RALYL: variants seen among roughly 807,000 people sequenced by gnomAD.
RALYL encodes RNA-binding Raly-like protein.
Under a neutral mutation model 35.1 loss-of-function variants are expected in RALYL, and 29 were observed. That is an observed-to-expected ratio of 0.83 (90% CI 0.61 to 1.13). The LOEUF (loss-of-function observed/expected upper bound fraction) is 1.13. Among genes scored for constraint, RALYL ranks in the 50% most tolerant of loss-of-function variants. The probability of loss-of-function intolerance (pLI) is 0.00; values close to 1 mark genes in which losing one functional copy is unlikely to be tolerated. For synonymous variants in RALYL, 120 were observed against 127.6 expected, an observed-to-expected ratio of 0.94 and a Z score of 0.40; for missense variants, 359 against 360.4, an observed-to-expected ratio of 1.00 and a Z score of 0.03.
At chr8:84,513,271 A>G (rs563418533) in intron 1 of RALYL, among the ~76,000 whole-genome samples, 39 of 152,214 alleles carry the variant, frequency 2.6e-4, no homozygotes, top group African/African-American at 8.7e-4. Context: ...TTTTGTAGCT[A>G]TTATAAATAA....
At chr8:84,213,870 C>T (rs1586230129) in intron 1 of RALYL, among the ~76,000 whole-genome samples, 1 of 152,120 alleles carries the variant, frequency 6.6e-6, no homozygotes, top group African/African-American at 2.4e-5. Flanking sequence ...TGTGAATTCC[C>T]TCAATGTGCC....
At chr8:84,332,073 C>T (rs1409310782) in intron 1 of RALYL, among the ~76,000 whole-genome samples, 1 of 152,072 alleles carries the variant, frequency 6.6e-6, no homozygotes, top group Non-Finnish European at 1.5e-5. Context: ...TTTTTCTCTG[C>T]CTTTCACATC....
intron 1 of RALYL, among the ~76,000 whole-genome samples, chr8:84,352,143 T>C (rs1005239501): frequency 8.6e-5 from 13 of 150,418 alleles, no homozygotes; most frequent in Non-Finnish European, 1.5e-5. Flanking sequence ...ATTCTTACTT[T>C]GTGGGGATAT....
At chr8:84,832,879 A>G (rs1242380859) in intron 4 of RALYL, among the ~76,000 whole-genome samples, 3 of 152,114 alleles carry the variant, frequency 2.0e-5, no homozygotes, top group Admixed American at 6.5e-5. Flanking sequence ...TTCTTTTTTA[A>G]AACATACTAG....
At chr8:84,380,709 G>A (rs185954047) in intron 1 of RALYL, among the ~76,000 whole-genome samples, 1 of 151,988 alleles carries the variant, frequency 6.6e-6, no homozygotes, top group East Asian at 1.9e-4. Context: ...CTTAAAATAG[G>A]CCAGCATCAG....
At chr8:84,390,171 C>T (rs1050946731) in intron 1 of RALYL, among the ~76,000 whole-genome samples, 2 of 152,146 alleles carry the variant, frequency 1.3e-5, no homozygotes, top group African/African-American at 4.8e-5. Flanking sequence ...TTGAACCAGC[C>T]TTGCATCCCT....
chr8:84,685,578 G>T (rs1419092597), intron 2 of RALYL, among the ~76,000 whole-genome samples: 1 of 152,148 alleles, frequency 6.6e-6, no homozygotes, highest in Non-Finnish European at 1.5e-5. Flanking sequence ...CTGAATCACA[G>T]AAGTTACTAA....
intron 4 of RALYL, among the ~76,000 whole-genome samples, chr8:84,833,992 C>T (rs575990077): frequency 6.6e-6 from 1 of 152,030 alleles, no homozygotes; most frequent in East Asian, 1.9e-4. Context: ...TTTTTAAAAG[C>T]TAGTCTCCAC....
chr8:84,748,188 T>C (rs977771115), intron 2 of RALYL, among the ~76,000 whole-genome samples: 52 of 152,006 alleles, frequency 3.4e-4, no homozygotes, highest in African/African-American at 1.2e-3. Flanking sequence ...TTTTCTCTTT[T>C]GACTCTTGGC....
At chr8:84,728,044 G>C (rs1331516369) in intron 2 of RALYL, among the ~76,000 whole-genome samples, 4 of 151,544 alleles carry the variant, frequency 2.6e-5, no homozygotes, top group African/African-American at 9.7e-5. Context: ...CTGAGGAATC[G>C]CCACACTGAC....
chr8:84,192,517 T>A (rs949666430), intron 1 of RALYL, among the ~76,000 whole-genome samples: 1 of 152,076 alleles, frequency 6.6e-6, no homozygotes, highest in African/African-American at 2.4e-5. Flanking sequence ...CTGAATTATT[T>A]GGGATAAATG....
chr8:84,854,474 T>C (rs1836560099), intron 5 of RALYL, among the ~76,000 whole-genome samples: 1 of 152,232 alleles, frequency 6.6e-6, no homozygotes. Flanking sequence ...TCTTCCATTA[T>C]AGCTGATTTG....
intron 1 of RALYL, among the ~76,000 whole-genome samples, chr8:84,481,763 TA>T (rs1174266365): frequency 6.6e-6 from 1 of 152,082 alleles, no homozygotes; most frequent in African/African-American, 2.4e-5. Flanking sequence ...TCTAAAACAG[TA>T]AAACTAATAT....
At chr8:84,913,037 T>C (rs1488001040) in intron 8 of RALYL, among the ~76,000 whole-genome samples, 1 of 114,386 alleles carries the variant, frequency 8.7e-6, no homozygotes, top group East Asian at 2.8e-4. Context: ...GATGGATAGG[T>C]AGGTAGATAG....
intron 1 of RALYL, among the ~76,000 whole-genome samples, chr8:84,516,058 T>G: frequency 1.7e-4 from 25 of 144,344 alleles, no homozygotes; most frequent in African/African-American, 3.1e-4. Flanking sequence ...GTGGGAGAGG[T>G]GGGTGGGGAT....
At chr8:84,331,244 G>C (rs1447202970) in intron 1 of RALYL, among the ~76,000 whole-genome samples, 1 of 151,952 alleles carries the variant, frequency 6.6e-6, no homozygotes, top group Non-Finnish European at 1.5e-5. Context: ...ATTGATCTTT[G>C]CACTTTTAGA....
chr8:84,485,790 T>C (rs749666769), intron 1 of RALYL, among the ~76,000 whole-genome samples: 18 of 152,132 alleles, frequency 1.2e-4, no homozygotes, highest in Non-Finnish European at 2.4e-4. Flanking sequence ...ATGAAGCCTC[T>C]TCTCACGACA....
chr8:84,804,676 C>A (rs1005966780), intron 3 of RALYL, 94 bp from the exon 4 acceptor site: 1 of 538,310 alleles, frequency 1.9e-6, no homozygotes, highest in Non-Finnish European at 2.8e-6. Flanking sequence ...TTCATCCAAA[C>A]AAGTATAATA....
In RALYL at chr8:84,267,242, T is replaced by G. The variant is rs560617338; in HGVS notation, c.-24+82818T>G. Among the ~76,000 whole-genome samples the G allele has an allele frequency of 1.6e-4, 24 of 152,264 alleles. 1 individual carries two copies. The highest frequency in any genetic ancestry group is 5.8e-4 in the African/African-American group (24 of 41,558). ...TCATAGTGATCTATGAGTTTTAGGA[T>G]GCCTTTATTTTCCTGAGAATCCCTC... On this transcript the variant is annotated intron_variant, in intron 1 of 8. Transcript: ENST00000521268.
Sources: gnomAD v4.1 joint callset for allele counts (sites outside exome capture counted in the v4.1 genomes callset) on GRCh38, gnomAD v4.1.1 for gene constraint, MANE v1.5 for transcripts, NCBI Gene and HGNC (gene_info 2026-07-23, HGNC 2026-07-21) for gene names.